Variants in LRMDA observed in about 807,000 individuals in gnomAD.
LRMDA encodes the protein leucine-rich melanocyte differentiation-associated protein.
LRMDA carries 18 observed loss-of-function variants against 29.8 expected under a neutral mutation model. That is an observed-to-expected ratio of 0.60 (90% CI 0.42 to 0.90). The LOEUF is 0.90. Among genes scored for constraint, LRMDA ranks in the 40% least tolerant of loss-of-function variants. LRMDA has a pLI of 0.00. For missense variants in LRMDA, 273 were observed against 273.9 expected (o/e 1.00, Z 0.02); for synonymous variants, 125 against 109.4 (o/e 1.14, Z -0.89).
intron 2 of LRMDA, among the ~76,000 whole-genome samples, chr10:75,762,793 T>C (rs775677778): frequency 3.3e-5 from 5 of 152,238 alleles, no homozygotes; most frequent in Non-Finnish European, 7.3e-5. Context: ...ATTATTATTT[T>C]ATTGTTAATT....
intron 2 of LRMDA, among the ~76,000 whole-genome samples, chr10:75,958,242 G>A (rs928756767): frequency 8.5e-5 from 13 of 152,258 alleles, no homozygotes; most frequent in African/African-American, 2.9e-4. Context: ...TAAACAGGGC[G>A]CCTTTGTCAC....
rs144846022 is a variant in LRMDA, at chr10:76,308,369, G to A, written c.517-16032G>A. Among the ~76,000 whole-genome samples the A allele has an allele frequency of 4.7e-3, 719 of 152,274 alleles. 6 individuals are homozygous for A. Among genetic ancestry groups the A allele is most frequent in the African/African-American group, 0.016 (681 of 41,544 alleles). Reference sequence around the variant, plus strand: ...AAGCATATCTTGAAGGTTTTCCTGTGGTTTCATCCTGGCATCTGGTCCTGA... The same window carrying A: ...AAGCATATCTTGAAGGTTTTCCTGTAGTTTCATCCTGGCATCTGGTCCTGA... On this transcript the variant is annotated intron_variant, in intron 5 of 6. Coordinates refer to ENST00000611255, the MANE Select transcript of LRMDA (RefSeq NM_001305581.2).
chr10:75,769,663 C>T (rs934551615), intron 2 of LRMDA, among the ~76,000 whole-genome samples: 4 of 151,966 alleles, frequency 2.6e-5, no homozygotes, highest in African/African-American at 9.7e-5. Flanking sequence ...GTATCTGTTA[C>T]CTTATTTTAA....
chr10:76,448,715 T>C (rs930374681), intron 6 of LRMDA, among the ~76,000 whole-genome samples: 15 of 152,050 alleles, frequency 9.9e-5, no homozygotes, highest in Admixed American at 8.5e-4. Context: ...ATATTTTCCA[T>C]TTTTCATGAT....
In LRMDA at chr10:76,135,800, C is replaced by T. The variant is rs1589343580; in HGVS notation, c.516+77017C>T. 2.0e-5 allele frequency among the ~76,000 whole-genome samples: 3 copies of T among 150,784 alleles called. No homozygotes were observed. The East Asian group carries it at 5.9e-4, about 29-fold the overall frequency. Reference sequence around the variant, plus strand: ...TTTTTTTTTTTAAGGACATCAGTCTCATTGGATTTGGGCCCATCCTAATGA... The same window carrying T: ...TTTTTTTTTTTAAGGACATCAGTCTTATTGGATTTGGGCCCATCCTAATGA... On this transcript the variant is annotated intron_variant, in intron 5 of 6. Coordinates refer to ENST00000611255, the MANE Select transcript of LRMDA (RefSeq NM_001305581.2).
At chr10:75,752,094 AGTT>A (rs1842976300) in intron 2 of LRMDA, among the ~76,000 whole-genome samples, 2 of 151,162 alleles carry the variant, frequency 1.3e-5, no homozygotes, top group African/African-American at 4.9e-5. Flanking sequence ...GATAAGGAGT[AGTT>A]ATTTGGCCTT....
chr10:75,605,773 T>C (rs1023666531), intron 2 of LRMDA, among the ~76,000 whole-genome samples: 2 of 152,246 alleles, frequency 1.3e-5, no homozygotes, highest in African/African-American at 4.8e-5. Flanking sequence ...CCAAGTTCTT[T>C]GTGTGAGCAG....
intron 6 of LRMDA, among the ~76,000 whole-genome samples, chr10:76,546,395 A>T (rs1843421712): frequency 6.6e-6 from 1 of 152,238 alleles, no homozygotes; most frequent in African/African-American, 2.4e-5. Context: ...CTAGTAAGAC[A>T]GTGAAACTGA....
intron 6 of LRMDA, among the ~76,000 whole-genome samples, chr10:76,450,110 G>A (rs1250811487): frequency 2.6e-5 from 4 of 151,758 alleles, no homozygotes; most frequent in Admixed American, 6.6e-5. Flanking sequence ...TTCATTTTTC[G>A]TGTGCTTTCT....
At position 75,766,356 on chromosome 10, in the gene LRMDA, A is replaced by G. The variant is rs1843167841; in HGVS notation, c.132-269652A>G. On this transcript the variant is annotated intron_variant, in intron 2 of 6. Transcript: ENST00000611255. Reference sequence around the variant, plus strand: ...GCTGGTCTGTCCCAGTGCTGTGGGCAGTGCTTGGTACATAATACATGCTCA... The same window carrying G: ...GCTGGTCTGTCCCAGTGCTGTGGGCGGTGCTTGGTACATAATACATGCTCA... 3.3e-5 allele frequency among the ~76,000 whole-genome samples: 5 copies of G among 152,294 alleles called. No individual in the cohort carries two copies. The South Asian group carries it at 1.0e-3, about 32-fold the overall frequency.
intron 6 of LRMDA, among the ~76,000 whole-genome samples, chr10:76,460,750 C>CACCAG (rs1842503758): frequency 6.6e-6 from 1 of 152,182 alleles, no homozygotes; most frequent in Non-Finnish European, 1.5e-5. Flanking sequence ...CTTCATTTCC[C>CACCAG]TACTCTCCAA....
intron 6 of LRMDA, among the ~76,000 whole-genome samples, chr10:76,397,403 C>T (rs554432251): frequency 2.0e-5 from 3 of 152,292 alleles, no homozygotes; most frequent in South Asian, 4.1e-4. Context: ...GGGAAGCTTT[C>T]GTACTTTGCC....
At chr10:76,476,126 A>C (rs1417892924) in intron 6 of LRMDA, among the ~76,000 whole-genome samples, 1 of 152,102 alleles carries the variant, frequency 6.6e-6, no homozygotes, top group East Asian at 1.9e-4. Context: ...TTTTTTGAAA[A>C]GATCAACAAA....
intron 3 of LRMDA, among the ~76,000 whole-genome samples, chr10:76,041,814 A>G (rs1848345118): frequency 1.3e-5 from 2 of 152,088 alleles, no homozygotes; most frequent in Admixed American, 6.6e-5. Flanking sequence ...AAAAATCTCA[A>G]CGCTAAGTAC....
At chr10:76,520,319 C>T (rs1225237348) in intron 6 of LRMDA, among the ~76,000 whole-genome samples, 1 of 151,650 alleles carries the variant, frequency 6.6e-6, no homozygotes, top group Non-Finnish European at 1.5e-5. Context: ...TTTCTGAGAT[C>T]ATGATAATTC....
At chr10:75,791,999 G>A (rs567552142) in intron 2 of LRMDA, among the ~76,000 whole-genome samples, 63 of 149,798 alleles carry the variant, frequency 4.2e-4, no homozygotes, top group African/African-American at 1.5e-3. Context: ...AGCTGGGACT[G>A]CAGGTGCCCG....
intron 2 of LRMDA, among the ~76,000 whole-genome samples, chr10:75,565,730 G>A (rs1201927204): frequency 6.6e-6 from 1 of 152,154 alleles, no homozygotes; most frequent in Non-Finnish European, 1.5e-5. Flanking sequence ...GTGAAACTCT[G>A]TACTTCCTAC....
intron 2 of LRMDA, among the ~76,000 whole-genome samples, chr10:75,503,550 A>C (rs1845139178): frequency 6.6e-6 from 1 of 151,950 alleles, no homozygotes; most frequent in African/African-American, 2.4e-5. Flanking sequence ...ATAAAATATT[A>C]GTGTTATAAA....
chr10:76,259,633 G>A (rs912498174), intron 5 of LRMDA, among the ~76,000 whole-genome samples: 2 of 151,980 alleles, frequency 1.3e-5, no homozygotes, highest in African/African-American at 4.8e-5. Flanking sequence ...TTTCTTTCTA[G>A]ATGATCTGTC....
Sources: allele counts gnomAD v4.1 joint callset (sites outside exome capture counted in the v4.1 genomes callset), GRCh38; gene constraint gnomAD v4.1.1; transcripts MANE v1.5; gene names NCBI Gene and HGNC (gene_info 2026-07-23, HGNC 2026-07-21).